The following TLN2 variants were observed in gnomAD, a reference collection of about 807,000 sequenced individuals.
TLN2 encodes talin 2.
Under a neutral mutation model 294.7 loss-of-function variants are expected in TLN2, and 118 were observed. The ratio of observed to expected loss-of-function variants is 0.40; its 90% confidence interval spans 0.34 to 0.47. TLN2 has a LOEUF of 0.47. Ranked by LOEUF, TLN2 falls within the 20% of genes least tolerant of loss-of-function variation. TLN2 has a pLI of 0.84. For missense variants in TLN2, 3,083 were observed against 3,282.2 expected (o/e 0.94, Z 1.48); for synonymous variants, 1,431 against 1,304.5 (o/e 1.10, Z -2.09).
intron 1 of TLN2, among the ~76,000 whole-genome samples, chr15:62,512,679 C>G (rs2039992081): frequency 6.6e-6 from 1 of 152,180 alleles, no homozygotes; most frequent in Non-Finnish European, 1.5e-5. Context: ...TAAAAAAATT[C>G]ATGGGTTACC....
At chr15:62,673,932 C>T (rs1214793985) in intron 10 of TLN2, 42 bp downstream of exon 10, 1 of 1,530,046 alleles carries the variant, frequency 6.5e-7, no homozygotes, top group Non-Finnish European at 9.0e-7. Flanking sequence ...CCTCACTCCC[C>T]ATCCTCATTT....
At chr15:62,474,135 A>G (rs894123988) in intron 1 of TLN2, among the ~76,000 whole-genome samples, 2 of 152,222 alleles carry the variant, frequency 1.3e-5, no homozygotes, top group Admixed American at 1.3e-4. Context: ...ATTGTACAGC[A>G]TTCAGAGAGA....
At chr15:62,563,353 T>C (rs1434852027) in intron 1 of TLN2, among the ~76,000 whole-genome samples, 3 of 152,220 alleles carry the variant, frequency 2.0e-5, no homozygotes, top group Admixed American at 6.5e-5. Context: ...ATTAGTGACG[T>C]TGAGCATTTT....
intron 12 of TLN2, among the ~76,000 whole-genome samples, chr15:62,688,302 T>C (rs1433616481): frequency 2.0e-5 from 3 of 152,174 alleles, no homozygotes; most frequent in South Asian, 2.1e-4. Context: ...TCCAAGTGTT[T>C]AGAGGTTTTT....
rs117755386 is a variant in TLN2, at chr15:62,826,809, G to A, written c.7002+6199G>A. Among the ~76,000 whole-genome samples, 335 of 152,246 alleles carry A rather than the reference G, an allele frequency of 2.2e-3. 4 individuals carry two copies. In the East Asian group the frequency reaches 0.04, roughly 18 times the overall value. ...CCTGTTGTGGGAGTTCTAGACACTGGCCTCCTTTTTTCCCTCAAGGACATT... is the reference window on the plus strand; with the variant it reads ...CCTGTTGTGGGAGTTCTAGACACTGACCTCCTTTTTTCCCTCAAGGACATT... On this transcript the variant is annotated intron_variant, in intron 54 of 58. Transcript: ENST00000636159.
At chr15:62,788,585 C>T (rs951162494) in intron 45 of TLN2, among the ~76,000 whole-genome samples, 1 of 152,194 alleles carries the variant, frequency 6.6e-6, no homozygotes, top group Non-Finnish European at 1.5e-5. Flanking sequence ...TAAGTAAACC[C>T]AGGCTCAGGG....
chr15:62,819,770 GGTT>G, intron 53 of TLN2, 149 bp downstream of exon 53: 1 of 631,150 alleles, frequency 1.6e-6, no homozygotes, highest in Non-Finnish European at 2.7e-6. Context: ...CAAGCAAATG[GGTT>G]TAGAGTTAAC....
chr15:62,554,669 G>A (rs2042510724), intron 1 of TLN2, among the ~76,000 whole-genome samples: 2 of 152,026 alleles, frequency 1.3e-5, no homozygotes, highest in Admixed American at 6.6e-5. Context: ...TGGAACAAAC[G>A]GAAAAAGCTG....
chr15:62,829,864 T>C (rs1039762261), intron 54 of TLN2: 10 of 152,170 alleles, frequency 6.6e-5, no homozygotes, highest in African/African-American at 2.4e-4. Context: ...GATTTCTGGA[T>C]CCCACAAATA....
At chr15:62,425,263 T>G (rs181276888) in intron 1 of TLN2, among the ~76,000 whole-genome samples, 147 of 152,294 alleles carry the variant, frequency 9.7e-4, no homozygotes, top group African/African-American at 3.4e-3. Flanking sequence ...CCTATTTGTC[T>G]TAAAAGCTTC....
At chr15:62,627,320 T>C (rs1485606379) in intron 3 of TLN2, among the ~76,000 whole-genome samples, 6 of 152,230 alleles carry the variant, frequency 3.9e-5, no homozygotes, top group African/African-American at 1.4e-4. Flanking sequence ...CCTCAGTTGC[T>C]TTCATCAGGA....
chr15:62,578,417 A>G (rs2044621771), intron 1 of TLN2, among the ~76,000 whole-genome samples: 1 of 152,018 alleles, frequency 6.6e-6, no homozygotes, highest in Non-Finnish European at 1.5e-5. Flanking sequence ...AAATACAAAA[A>G]TTAACCAGGT....
intron 41 of TLN2, among the ~76,000 whole-genome samples, chr15:62,770,178 G>A (rs1053483641): frequency 5.3e-5 from 8 of 152,258 alleles, no homozygotes; most frequent in African/African-American, 1.7e-4. Context: ...TCAAAGCCTC[G>A]GTATCTTCAT....
chr15:62,443,777 G>T (rs1414266058), intron 1 of TLN2, among the ~76,000 whole-genome samples: 1 of 152,160 alleles, frequency 6.6e-6, no homozygotes, highest in African/African-American at 2.4e-5. Flanking sequence ...AGAGGACAGA[G>T]GATTGCTTGA....
chr15:62,728,697 GA>G (rs1465314845), intron 28 of TLN2, among the ~76,000 whole-genome samples: 1 of 152,114 alleles, frequency 6.6e-6, no homozygotes, highest in African/African-American at 2.4e-5. Flanking sequence ...GCCATTTTGT[GA>G]AGTGTGTTTG....
chr15:62,448,522 G>A (rs747635652), intron 1 of TLN2, among the ~76,000 whole-genome samples: 2 of 152,184 alleles, frequency 1.3e-5, no homozygotes, highest in Non-Finnish European at 2.9e-5. Context: ...TCTAAAACCT[G>A]TGTGGAATTA....
chr15:62,685,771 A>G (rs571267650), intron 11 of TLN2, among the ~76,000 whole-genome samples: 28 of 152,340 alleles, frequency 1.8e-4, no homozygotes, highest in African/African-American at 5.3e-4. Context: ...TATGAAGTCT[A>G]TTGCCATTAC....
chr15:62,690,660 G>T (rs1315810555), intron 12 of TLN2, among the ~76,000 whole-genome samples: 1 of 148,432 alleles, frequency 6.7e-6, no homozygotes, highest in East Asian at 2.0e-4. Context: ...GCCAAGGCGG[G>T]CAGCTGGGAG....
intron 38 of TLN2, 50 bp downstream of exon 38, chr15:62,761,871 T>C (rs772075398): frequency 1.9e-6 from 3 of 1,607,172 alleles, no homozygotes; most frequent in Non-Finnish European, 2.6e-6. Flanking sequence ...GCTAACTTTG[T>C]GTGGCACCAA....
Sources: gnomAD v4.1 joint callset for allele counts (sites outside exome capture counted in the v4.1 genomes callset) on GRCh38, gnomAD v4.1.1 for gene constraint, MANE v1.5 for transcripts, NCBI Gene and HGNC (gene_info 2026-07-23, HGNC 2026-07-21) for gene names.